TTC23: variants seen among roughly 807,000 people sequenced by gnomAD.
TTC23 encodes the protein tetratricopeptide repeat protein 23.
A neutral mutation model predicts 55.1 loss-of-function variants in TTC23; 58 were observed. The ratio of observed to expected loss-of-function variants is 1.05; its 90% CI spans 0.85 to 1.31. The LOEUF is 1.31. Ranked by LOEUF, TTC23 falls within the 50% of genes most tolerant of loss-of-function variation. The pLI, the probability that TTC23 is intolerant of heterozygous loss-of-function variation, is 0.00. For synonymous variants in TTC23, 203 were observed against 199.9 expected, an observed-to-expected ratio of 1.02 and a Z score of -0.13; for missense variants, 516 against 534.4, an observed-to-expected ratio of 0.97 and a Z score of 0.34.
In TTC23 at chr15:99,233,544, AT is replaced by A. The variant is rs559843397; in HGVS notation, c.-21+1443del. Among the ~76,000 whole-genome samples the A allele has an allele frequency of 5.9e-5, 9 of 152,334 alleles. No homozygotes were observed. The South Asian group carries it at 1.9e-3, about 32-fold the overall frequency. On this transcript the variant is annotated intron_variant, in intron 4 of 13. Transcript: ENST00000394132. ...CACTTGACAAGATCTAATATCTAAT[AT>A]CTATTCCTGATGAAAATTCTTAGCA...
intron 9 of TTC23, among the ~76,000 whole-genome samples, chr15:99,197,281 G>T (rs972518149): frequency 1.5e-4 from 23 of 151,494 alleles, no homozygotes; most frequent in Non-Finnish European, 2.2e-4. Context: ...TTTTTGTATT[G>T]TTAGTAGAGA....
chr15:99,171,293 T>A (rs1248848036), intron 10 of TTC23, among the ~76,000 whole-genome samples: 1 of 152,152 alleles, frequency 6.6e-6, no homozygotes, highest in Non-Finnish European at 1.5e-5. Flanking sequence ...CCATACAGAC[T>A]GATGGGGACT....
chr15:99,250,172 C>T (rs2080605046), upstream of TTC23, among the ~76,000 whole-genome samples: 1 of 152,146 alleles, frequency 6.6e-6, no homozygotes, highest in African/African-American at 2.4e-5. Flanking sequence ...TGGATTTCCT[C>T]ATTTTAAGAC....
chr15:99,231,597 A>C (rs1335724163), intron 4 of TTC23, among the ~76,000 whole-genome samples: 1 of 151,798 alleles, frequency 6.6e-6, no homozygotes, highest in East Asian at 1.9e-4. Context: ...GGTTCACACC[A>C]TTCTCCTGCC....
chr15:99,157,996 CAGAAGGACAAGGAGGGCG>C (rs1415660546), intron 11 of TTC23: 20 of 152,214 alleles, frequency 1.3e-4, no homozygotes, highest in Non-Finnish European at 2.5e-4. Context: ...GCTCCACAAA[CAGAAGGACAAGGAGGGCG>C]TTTAATCCTT....
In TTC23 at chr15:99,137,915, G is replaced by C. The variant is rs1280981683; in HGVS notation, c.*95C>G. On this transcript the variant is annotated 3_prime_UTR_variant, in exon 14 of 14. Transcript: ENST00000394132. ...AGTTGGCCTTGGAAATCTGTATCCT[G>C]ACTGTTGAATTCCATTTTCTAGGCG... The C allele has an allele frequency of 7.1e-6, 11 of 1,560,126 alleles. No homozygotes were observed. Among genetic ancestry groups the C allele is most frequent in the Non-Finnish European group, 8.7e-6 (10 of 1,144,970 alleles).
At chr15:99,172,754 G>T (rs1181155337) in intron 10 of TTC23, among the ~76,000 whole-genome samples, 1 of 152,198 alleles carries the variant, frequency 6.6e-6, no homozygotes, top group Non-Finnish European at 1.5e-5. Context: ...ATAAGCGGTA[G>T]CTATTAATAT....
chr15:99,232,492 A>T (rs528687056), intron 4 of TTC23, among the ~76,000 whole-genome samples: 42 of 152,034 alleles, frequency 2.8e-4, no homozygotes, highest in African/African-American at 9.2e-4. Flanking sequence ...AAAAAAAAAA[A>T]TGATCAAAGG....
chr15:99,243,875 GTAGT>G (rs2152100512), intron 2 of TTC23, among the ~76,000 whole-genome samples: 1 of 152,226 alleles, frequency 6.6e-6, no homozygotes, highest in African/African-American at 2.4e-5. Context: ...GGTACAAAAC[GTAGT>G]TAGATAGAAT....
At chr15:99,168,259 A>G (rs924490919) in intron 10 of TTC23, among the ~76,000 whole-genome samples, 6 of 152,176 alleles carry the variant, frequency 3.9e-5, no homozygotes, top group Non-Finnish European at 7.4e-5. Context: ...GAAGTGATCC[A>G]ATGGCAGCAG....
At chr15:99,227,282 C>T (rs185304804) in intron 5 of TTC23, among the ~76,000 whole-genome samples, 4 of 152,256 alleles carry the variant, frequency 2.6e-5, no homozygotes, top group East Asian at 1.9e-4. Context: ...GAATTCTACA[C>T]ACCCCATCTT....
chr15:99,214,420 T>C (rs2077284161), intron 8 of TTC23, among the ~76,000 whole-genome samples: 1 of 144,908 alleles, frequency 6.9e-6, no homozygotes, highest in East Asian at 2.1e-4. Context: ...GGCAGGAGAA[T>C]GGCGTGAACC....
At chr15:99,141,586 T>A (rs1316741043) in intron 12 of TTC23, among the ~76,000 whole-genome samples, 1 of 152,236 alleles carries the variant, frequency 6.6e-6, no homozygotes, top group African/African-American at 2.4e-5. Context: ...GGATGAATTG[T>A]GCTACATAAA....
In TTC23 at chr15:99,139,194, G is replaced by T. The variant is rs561096984; in HGVS notation, c.1226+123C>A. On this transcript the variant is annotated intron_variant, in intron 13 of 13. Coordinates refer to ENST00000394132, the MANE Select transcript of TTC23 (RefSeq NM_001288615.3). ...TCAAAGGAACTTGTCCTTTATGCAA[G>T]TTATGGGAAGTCAGCAAAACATTCC... The T allele has an allele frequency of 6.8e-5, 86 of 1,258,456 alleles. No homozygotes were observed. In the African/African-American group the frequency reaches 1.0e-3, roughly 15 times the overall value. 78.0% of individuals were successfully genotyped at this position (1,258,456 alleles called of 1,614,324 possible). A position where few individuals can be genotyped will look rare whatever the true frequency, so the allele number is the denominator to read the frequency against.
intron 5 of TTC23, among the ~76,000 whole-genome samples, chr15:99,226,023 T>C (rs1339055987): frequency 6.6e-6 from 1 of 152,182 alleles, no homozygotes; most frequent in East Asian, 1.9e-4. Flanking sequence ...TAAGACGAAC[T>C]CAAACAGAGA....
chr15:99,153,871 C>G (rs1435889488), intron 12 of TTC23, among the ~76,000 whole-genome samples: 2 of 151,870 alleles, frequency 1.3e-5, no homozygotes, highest in African/African-American at 4.8e-5. Flanking sequence ...AGAGAAAACC[C>G]AAATATAAAA....
Position 99,221,362 on chromosome 15 carries a change from G to A in TTC23, c.304+379C>T, listed in dbSNP as rs536969922. On this transcript the variant is annotated intron_variant, in intron 6 of 13. Coordinates refer to ENST00000394132, the MANE Select transcript of TTC23 (RefSeq NM_001288615.3). ...TTGGGTTAGTCTTTTTAAATTTTTT[G>A]GTTATTTACAGTCAAGAGATTCTCC... Among the ~76,000 whole-genome samples, 384 of 152,062 alleles carry A rather than the reference G, an allele frequency of 2.5e-3. 6 individuals carry two copies. The highest frequency in any genetic ancestry group is 3.3e-3 in the Non-Finnish European group (225 of 67,982).
intron 9 of TTC23, among the ~76,000 whole-genome samples, chr15:99,188,905 C>T (rs1036436241): frequency 5.3e-5 from 8 of 151,950 alleles, no homozygotes; most frequent in Non-Finnish European, 1.2e-4. Context: ...AATTTGGCAA[C>T]GTAGTAGTAG....
At chr15:99,227,382 T>C (rs765307970) in intron 5 of TTC23, among the ~76,000 whole-genome samples, 1 of 152,218 alleles carries the variant, frequency 6.6e-6, no homozygotes, top group Non-Finnish European at 1.5e-5. Context: ...TCAAAAGAGC[T>C]CAGCATTTCT....
Sources: gnomAD v4.1 joint callset for allele counts (sites outside exome capture counted in the v4.1 genomes callset) on GRCh38, gnomAD v4.1.1 for gene constraint, MANE v1.5 for transcripts, NCBI Gene and HGNC (gene_info 2026-07-23, HGNC 2026-07-21) for gene names.